LRFN5: variants seen among roughly 807,000 people sequenced by gnomAD.
LRFN5 encodes leucine rich repeat and fibronectin type III domain containing 5, also known as leucine-rich repeat and fibronectin type-III domain-containing protein 5.
LRFN5 carries 24 observed loss-of-function variants against 45.6 expected under a neutral mutation model. The ratio of observed to expected loss-of-function variants is 0.53; its 90% CI spans 0.38 to 0.74. The LOEUF (loss-of-function observed/expected upper bound fraction) is 0.74, where lower values mean the gene tolerates loss of function less well. LRFN5 is among the 30% of genes least tolerant of loss of function. LRFN5 has a pLI of 0.00. For synonymous variants in LRFN5, 340 were observed against 313.8 expected, an observed-to-expected ratio of 1.08 and a Z score of -0.88; for missense variants, 776 against 861.5, an observed-to-expected ratio of 0.90 and a Z score of 1.24.
At chr14:41,628,170 C>G (rs942507250) in intron 1 of LRFN5, among the ~76,000 whole-genome samples, 2 of 152,122 alleles carry the variant, frequency 1.3e-5, no homozygotes, top group East Asian at 3.9e-4. Context: ...CTTGAATCCT[C>G]TCTATAATTT....
intron 2 of LRFN5, among the ~76,000 whole-genome samples, chr14:41,791,176 TG>T (rs1368841490): frequency 6.6e-6 from 1 of 151,928 alleles, no homozygotes; most frequent in African/African-American, 2.4e-5. Flanking sequence ...GATTACCTAG[TG>T]TTTTTTTTAA....
Position 41,781,610 on chromosome 14 carries a change from AAGAAAG to A in LRFN5, c.-21+14589_-21+14594del, listed in dbSNP as rs1164817998. 2.0e-3 allele frequency among the ~76,000 whole-genome samples: 196 copies of A among 96,130 alleles called. 1 individual carries two copies. The highest frequency in any genetic ancestry group is 8.9e-3 in the African/African-American group (173 of 19,416). The allele number at this position is 96,130 out of a possible 152,430, so 63.1% of individuals were successfully genotyped here. A position where few individuals can be genotyped will look rare whatever the true frequency, so the allele number is the denominator to read the frequency against. ...AAAGAAAGAAAGAAAGAAAGAAAGA[AAGAAAG>A]AGAAAGAAAGAAAGAAAGGAAAGAA... On this transcript the variant is annotated intron_variant, in intron 2 of 5. Coordinates refer to ENST00000298119, the MANE Select transcript of LRFN5 (RefSeq NM_152447.5).
intron 2 of LRFN5, among the ~76,000 whole-genome samples, chr14:41,860,576 T>C (rs1206538881): frequency 6.6e-6 from 1 of 152,230 alleles, no homozygotes; most frequent in Non-Finnish European, 1.5e-5. Context: ...CATAGCATAC[T>C]TCTATGTTAT....
At chr14:41,639,949 A>ATTTTTTTTTTTTTTTTTTTTTTT (rs34020254) in intron 1 of LRFN5, among the ~76,000 whole-genome samples, 2 of 68,034 alleles carry the variant, frequency 2.9e-5, no homozygotes, top group Non-Finnish European at 2.7e-5. Context: ...TGACTGGCTA[A>ATTTTTTTTTTTTTTTTTTTTTTT]TTTTTTTTTT....
At chr14:41,681,970 C>A (rs920899458) in intron 1 of LRFN5, among the ~76,000 whole-genome samples, 6 of 151,848 alleles carry the variant, frequency 4.0e-5, no homozygotes, top group Non-Finnish European at 7.4e-5. Flanking sequence ...AGGCGTGCGC[C>A]ATCATGCCTG....
intron 2 of LRFN5, among the ~76,000 whole-genome samples, chr14:41,786,543 G>GTT (rs71105403): frequency 0.34 from 48,197 of 142,148 alleles, 8,984 homozygotes; most frequent in East Asian, 0.68. Flanking sequence ...CTCTTTATGA[G>GTT]TTTTTTTTTT....
At chr14:41,751,688 C>A (rs1402519024) in intron 1 of LRFN5, among the ~76,000 whole-genome samples, 1 of 152,122 alleles carries the variant, frequency 6.6e-6, no homozygotes, top group East Asian at 1.9e-4. Flanking sequence ...TTACTAAAGG[C>A]AGTCTCACAG....
At chr14:41,733,172 G>A (rs1440492660) in intron 1 of LRFN5, among the ~76,000 whole-genome samples, 1 of 152,000 alleles carries the variant, frequency 6.6e-6, no homozygotes, top group Non-Finnish European at 1.5e-5. Context: ...AGAAATAATG[G>A]CTGAAGGCTT....
At chr14:41,784,598 T>G (rs759069191) in intron 2 of LRFN5, among the ~76,000 whole-genome samples, 6 of 146,280 alleles carry the variant, frequency 4.1e-5, no homozygotes, top group Non-Finnish European at 7.4e-5. Flanking sequence ...TGCCTAAGTG[T>G]ATTTTGAAGC....
intron 2 of LRFN5, among the ~76,000 whole-genome samples, chr14:41,776,979 A>G (rs988183361): frequency 6.6e-6 from 1 of 152,002 alleles, no homozygotes; most frequent in Non-Finnish European, 1.5e-5. Context: ...ATTGAATTGG[A>G]ATTCTAGCAC....
chr14:41,757,885 G>A (rs972500333), intron 1 of LRFN5, among the ~76,000 whole-genome samples: 10 of 152,170 alleles, frequency 6.6e-5, no homozygotes, highest in East Asian at 1.9e-4. Flanking sequence ...GTTCCTATTC[G>A]GCCATCTTGG....
chr14:41,862,670 T>G (rs1390984784), intron 2 of LRFN5, among the ~76,000 whole-genome samples: 1 of 152,048 alleles, frequency 6.6e-6, no homozygotes, highest in Non-Finnish European at 1.5e-5. Context: ...AGTATGAGAG[T>G]AGATGTTGCT....
intron 1 of LRFN5, among the ~76,000 whole-genome samples, chr14:41,726,404 T>G (rs1004796870): frequency 6.6e-6 from 1 of 152,140 alleles, no homozygotes; most frequent in Non-Finnish European, 1.5e-5. Flanking sequence ...GTATGAAAGA[T>G]AACTCTTGCT....
chr14:41,786,646 A>AT (rs916112701), intron 2 of LRFN5, among the ~76,000 whole-genome samples: 122 of 147,048 alleles, frequency 8.3e-4, no homozygotes, highest in African/African-American at 2.8e-3. Context: ...TGAGGTTGTG[A>AT]TTTTTTTTTA....
chr14:41,904,085 T>A, intron 5 of LRFN5, 73 bp from the exon 6 acceptor site: 1 of 1,262,436 alleles, frequency 7.9e-7, no homozygotes, highest in Admixed American at 2.0e-5. Context: ...AGCACAATGA[T>A]CTTATTAGCT....
chr14:41,770,360 G>C (rs921139893), intron 2 of LRFN5, among the ~76,000 whole-genome samples: 3 of 152,132 alleles, frequency 2.0e-5, no homozygotes, highest in African/African-American at 4.8e-5. Flanking sequence ...TAGGCCCCAA[G>C]AGTTTTTAAT....
intron 1 of LRFN5, among the ~76,000 whole-genome samples, chr14:41,687,346 G>A (rs1369021862): frequency 6.6e-6 from 1 of 152,138 alleles, no homozygotes; most frequent in Non-Finnish European, 1.5e-5. Flanking sequence ...AATAGATGCT[G>A]GTGAGGCTGT....
chr14:41,627,043 A>G (rs1183788411), intron 1 of LRFN5, among the ~76,000 whole-genome samples: 2 of 152,152 alleles, frequency 1.3e-5, no homozygotes, highest in Non-Finnish European at 2.9e-5. Context: ...CATTTTCAAT[A>G]AACTTGATCA....
chr14:41,759,010 T>A (rs982214142), intron 1 of LRFN5, among the ~76,000 whole-genome samples: 20 of 152,098 alleles, frequency 1.3e-4, no homozygotes, highest in Non-Finnish European at 1.3e-4. Flanking sequence ...GGCATACAAT[T>A]ATTCATATTA....
Sources: allele counts gnomAD v4.1 joint callset (sites outside exome capture counted in the v4.1 genomes callset), GRCh38; gene constraint gnomAD v4.1.1; transcripts MANE v1.5; gene names NCBI Gene and HGNC (gene_info 2026-07-23, HGNC 2026-07-21).